CGGBP1: variants seen among roughly 807,000 people sequenced by gnomAD.
CGGBP1 encodes the protein CGG triplet repeat binding protein 1, also known as CGG triplet repeat-binding protein 1.
In CGGBP1, 4 loss-of-function variants were observed where a neutral mutation model predicts 11.4. That is an observed-to-expected ratio of 0.35 (90% CI 0.17 to 0.80). CGGBP1 has a LOEUF of 0.80. Ranked by LOEUF, CGGBP1 falls within the 30% of genes least tolerant of loss-of-function variation. CGGBP1 has a pLI of 0.52. For synonymous variants in CGGBP1, 76 were observed against 74.1 expected, an observed-to-expected ratio of 1.03 and a Z score of -0.13; for missense variants, 135 against 202.1, an observed-to-expected ratio of 0.67 and a Z score of 2.01.
At chr3:88,072,885 C>T (rs756082286) in intron 2 of CGGBP1, among the ~76,000 whole-genome samples, 19 of 152,174 alleles carry the variant, frequency 1.2e-4, no homozygotes, top group Middle Eastern at 3.4e-3. Flanking sequence ...TTCCTATGCA[C>T]GTTCACATGG....
rs550812349 is a variant in CGGBP1, at chr3:88,091,049, T to G, written c.-228-32826A>C. On this transcript the variant is annotated intron_variant, in intron 2 of 3. Transcript: ENST00000462901. ...ACTATTGTTACAGTTGCCTATGGTA[T>G]TCAGTACAGTAGCATGCTATACAGG... 2.6e-5 allele frequency among the ~76,000 whole-genome samples: 4 copies of G among 152,348 alleles called. No homozygotes were observed. The East Asian group carries it at 7.7e-4, about 29-fold the overall frequency.
intron 2 of CGGBP1, among the ~76,000 whole-genome samples, chr3:88,103,175 T>A (rs1013109137): frequency 9.2e-5 from 14 of 152,014 alleles, no homozygotes; most frequent in South Asian, 2.1e-4. Context: ...CATTTTTTTT[T>A]AAAAAAGAGA....
Position 88,100,627 on chromosome 3 carries a change from G to C in CGGBP1, c.-229+40343C>G, listed in dbSNP as rs1042577300. Among the ~76,000 whole-genome samples, 33 of 152,298 alleles carry C rather than the reference G, an allele frequency of 2.2e-4. No homozygotes were observed. The South Asian group carries it at 3.9e-3, about 18-fold the overall frequency. On this transcript the variant is annotated intron_variant, in intron 2 of 3. Transcript: ENST00000462901. ...CATATACACCATGGAATACGATGCA[G>C]CCATAAAAAGGATGAGTTCATGTCC...
At chr3:88,145,206 A>G (rs1707288611) in intron 1 of CGGBP1, among the ~76,000 whole-genome samples, 3 of 152,156 alleles carry the variant, frequency 2.0e-5, no homozygotes, top group South Asian at 4.1e-4. Flanking sequence ...GAAGGCTCCT[A>G]CTTTTTTCGT....
intron 2 of CGGBP1, chr3:88,140,064 T>C (rs1488980960): frequency 1.2e-6 from 2 of 1,613,632 alleles, no homozygotes; most frequent in Non-Finnish European, 1.7e-6. Flanking sequence ...ATTTGAAGAT[T>C]CTCAACATTT....
intron 2 of CGGBP1, among the ~76,000 whole-genome samples, chr3:88,114,025 A>G (rs1015578124): frequency 5.3e-5 from 8 of 152,184 alleles, no homozygotes; most frequent in Admixed American, 3.3e-4. Flanking sequence ...TCCGTAATCC[A>G]TTCTTAAACT....
intron 2 of CGGBP1, among the ~76,000 whole-genome samples, chr3:88,085,721 G>A (rs1440104202): frequency 6.6e-6 from 1 of 152,144 alleles, no homozygotes; most frequent in Non-Finnish European, 1.5e-5. Flanking sequence ...CATAAAACTA[G>A]TTAAGTGACA....
chr3:88,082,201 A>T (rs1055839970), intron 2 of CGGBP1, among the ~76,000 whole-genome samples: 1 of 150,614 alleles, frequency 6.6e-6, no homozygotes, highest in South Asian at 2.1e-4. Context: ...ATCTTGGCTC[A>T]CTGCAACCTC....
chr3:88,137,094 C>T (rs1706834391), intron 2 of CGGBP1, among the ~76,000 whole-genome samples: 1 of 144,610 alleles, frequency 6.9e-6, no homozygotes, highest in Non-Finnish European at 1.5e-5. Context: ...ACTGGGGAGG[C>T]TGAGGCAGGA....
intron 2 of CGGBP1, among the ~76,000 whole-genome samples, chr3:88,119,181 C>T (rs1705601956): frequency 6.8e-6 from 1 of 147,370 alleles, no homozygotes; most frequent in South Asian, 2.2e-4. Flanking sequence ...GTGGCACATA[C>T]ACACCATGGA....
intron 2 of CGGBP1, among the ~76,000 whole-genome samples, chr3:88,100,768 C>T (rs927255340): frequency 6.6e-6 from 1 of 151,798 alleles, no homozygotes; most frequent in African/African-American, 2.4e-5. Context: ...AATGAGAACA[C>T]TTGGACACAG....
In CGGBP1 at chr3:88,055,403, G is replaced by A. The variant is rs1180100909; in HGVS notation, c.*70C>T. 1.5e-6 allele frequency: 2 copies of A among 1,326,436 alleles called. No homozygotes were observed. The highest frequency in any genetic ancestry group is 1.0e-6 in the Non-Finnish European group (1 of 982,472). The allele number at this position is 1,326,436 out of a possible 1,614,324, so 82.2% of individuals were successfully genotyped here. ...TTTTAAATGAAATAAATACAAAAAT[G>A]AACCACACAATCAACACATAACTTT... On this transcript the variant is annotated 3_prime_UTR_variant, in exon 4 of 4. Coordinates refer to ENST00000482016, the MANE Select transcript of CGGBP1 (RefSeq NM_001008390.2). This position sits in a 1 kb window ranked among gnomAD's most constrained non-coding sequence, Gnocchi z 4.2.
At chr3:88,068,906 C>G (rs1320432857) in intron 2 of CGGBP1, among the ~76,000 whole-genome samples, 3 of 151,978 alleles carry the variant, frequency 2.0e-5, no homozygotes, top group Non-Finnish European at 4.4e-5. Flanking sequence ...CAGTGCAATA[C>G]AATACATTGT....
intron 2 of CGGBP1, chr3:88,126,153 G>A (rs1449776038): frequency 3.3e-6 from 5 of 1,516,124 alleles, no homozygotes; most frequent in Non-Finnish European, 4.4e-6. Context: ...AATCACCTCC[G>A]CAGATATGGA....
intron 1 of CGGBP1, among the ~76,000 whole-genome samples, chr3:88,148,428 TAAC>T (rs1313899439): frequency 6.6e-6 from 1 of 152,204 alleles, no homozygotes; most frequent in Non-Finnish European, 1.5e-5. Context: ...ATCTCTTTAC[TAAC>T]AACACTCCCA....
At chr3:88,060,199 C>T (rs1706785114), upstream of CGGBP1, among the ~76,000 whole-genome samples, 2 of 152,092 alleles carry the variant, frequency 1.3e-5, no homozygotes, top group South Asian at 4.1e-4. Context: ...TCCTTAAACT[C>T]TTGCTCCGGT....
At chr3:88,059,112 G>A (rs1422848198), upstream of CGGBP1, 13 of 918,696 alleles carry the variant, frequency 1.4e-5, no homozygotes, top group East Asian at 3.5e-4. Context: ...GGAAAGGCGG[G>A]CATGAACATG....
intron 2 of CGGBP1, among the ~76,000 whole-genome samples, chr3:88,093,124 A>G (rs1703849408): frequency 6.6e-6 from 1 of 152,216 alleles, no homozygotes; most frequent in Non-Finnish European, 1.5e-5. Flanking sequence ...CATTCTTTGT[A>G]GATAAGAAAA....
chr3:88,065,175 T>C (rs1229475379), intron 2 of CGGBP1, among the ~76,000 whole-genome samples: 2 of 152,206 alleles, frequency 1.3e-5, no homozygotes, highest in Non-Finnish European at 2.9e-5. Flanking sequence ...TCATAAAAGG[T>C]GAATTCCCTG....
Sources: gnomAD v4.1 joint callset for allele counts (sites outside exome capture counted in the v4.1 genomes callset) on GRCh38, gnomAD v4.1.1 for gene constraint, Gnocchi (gnomAD v3.1) non-coding constraint, MANE v1.5 for transcripts, NCBI Gene and HGNC (gene_info 2026-07-23, HGNC 2026-07-21) for gene names.